The following SHISA9 variants were observed in gnomAD, a reference collection of about 807,000 sequenced individuals.
SHISA9 encodes shisa family member 9.
A neutral mutation model predicts 38.0 loss-of-function variants in SHISA9; 13 were observed. The observed-to-expected ratio is 0.34, with a 90% CI of 0.22 to 0.54. The LOEUF (loss-of-function observed/expected upper bound fraction) is 0.54. Among genes scored for constraint, SHISA9 ranks in the 20% least tolerant of loss-of-function variants. The pLI is 0.91. For missense variants in SHISA9, 538 were observed against 575.8 expected (o/e 0.93, Z 0.67); for synonymous variants, 275 against 242.0 (o/e 1.14, Z -1.27).
the SHISA9 span, among the ~76,000 whole-genome samples, chr16:13,292,822 C>A: frequency 6.6e-6 from 1 of 152,088 alleles, no homozygotes; most frequent in Non-Finnish European, 1.5e-5. Context: ...TGTCAAGGAC[C>A]AACAGTTCTA....
At chr16:13,035,713 T>C (rs1376237163) in intron 2 of SHISA9, among the ~76,000 whole-genome samples, 1 of 152,160 alleles carries the variant, frequency 6.6e-6, no homozygotes, top group East Asian at 1.9e-4. Flanking sequence ...ATATTTTTAG[T>C]AGAGATAGGG....
chr16:13,416,673 C>G, the SHISA9 span, among the ~76,000 whole-genome samples: 8 of 151,138 alleles, frequency 5.3e-5, no homozygotes, highest in South Asian at 1.7e-3. Flanking sequence ...GGTAACACCA[C>G]TGCACTCCAG....
the SHISA9 span, among the ~76,000 whole-genome samples, chr16:13,255,596 G>A: frequency 6.6e-6 from 1 of 152,196 alleles, no homozygotes; most frequent in African/African-American, 2.4e-5. Flanking sequence ...GTGATGTTAG[G>A]AGCTGCCTCA....
chr16:13,332,637 A>G, the SHISA9 span: 7 of 152,318 alleles, frequency 4.6e-5, no homozygotes, highest in African/African-American at 1.7e-4. Flanking sequence ...CACTGTTCAG[A>G]CAGGACCTCT....
At chr16:13,444,737 C>T in the SHISA9 span, among the ~76,000 whole-genome samples, 1 of 151,588 alleles carries the variant, frequency 6.6e-6, no homozygotes, top group Non-Finnish European at 1.5e-5. Flanking sequence ...CACCATGTCT[C>T]CTCCAGAAAG....
intron 2 of SHISA9, among the ~76,000 whole-genome samples, chr16:13,124,540 T>C (rs1247856589): frequency 6.6e-6 from 1 of 152,270 alleles, no homozygotes; most frequent in Admixed American, 6.5e-5. Context: ...GGACTCTGTG[T>C]GCCCCAGACA....
chr16:12,916,607 T>G, intron 1 of SHISA9, 81 bp from the exon 2 acceptor site: 1 of 1,458,820 alleles, frequency 6.9e-7, no homozygotes, highest in South Asian at 1.4e-5. Context: ...TGCCATTTGT[T>G]CGCGACTGCA....
At chr16:13,299,749 T>C in the SHISA9 span, among the ~76,000 whole-genome samples, 1 of 151,940 alleles carries the variant, frequency 6.6e-6, no homozygotes, top group Non-Finnish European at 1.5e-5. Flanking sequence ...CAATTGGCTT[T>C]AAAGTCCAAG....
At chr16:13,416,745 AG>A in the SHISA9 span, among the ~76,000 whole-genome samples, 23,335 of 90,744 alleles carry the variant, frequency 0.26, 2,686 homozygotes, top group South Asian at 0.44. Flanking sequence ...AAAGAAAGAA[AG>A]GAAGGAAGGA....
chr16:13,225,989 G>C (rs2051275468), intron 4 of SHISA9, among the ~76,000 whole-genome samples: 1 of 152,150 alleles, frequency 6.6e-6, no homozygotes, highest in African/African-American at 2.4e-5. Context: ...TCTGTTTCCT[G>C]GTCAGTTTGT....
intron 2 of SHISA9, among the ~76,000 whole-genome samples, chr16:12,991,112 G>T (rs1165764358): frequency 6.6e-6 from 1 of 152,048 alleles, no homozygotes; most frequent in Non-Finnish European, 1.5e-5. Context: ...TATTCTTTTT[G>T]ATTATTAAGG....
At chr16:13,421,542 T>G in the SHISA9 span, among the ~76,000 whole-genome samples, 1 of 151,990 alleles carries the variant, frequency 6.6e-6, no homozygotes, top group Non-Finnish European at 1.5e-5. Flanking sequence ...CACTGGATCC[T>G]TCCCACAACA....
At chr16:13,273,383 G>A in the SHISA9 span, among the ~76,000 whole-genome samples, 1 of 152,218 alleles carries the variant, frequency 6.6e-6, no homozygotes, top group East Asian at 1.9e-4. Flanking sequence ...CTGGTGGGAG[G>A]TAATTGAATC....
At chr16:13,353,980 G>GC in the SHISA9 span, among the ~76,000 whole-genome samples, 1 of 151,238 alleles carries the variant, frequency 6.6e-6, no homozygotes, top group Non-Finnish European at 1.5e-5. Flanking sequence ...GACTGCGGTG[G>GC]CCTTCTCACA....
At chr16:13,464,544 G>A in the SHISA9 span, among the ~76,000 whole-genome samples, 2 of 152,256 alleles carry the variant, frequency 1.3e-5, no homozygotes, top group South Asian at 4.1e-4. Flanking sequence ...TAAAGCTAAA[G>A]CCCCTTTCTT....
chr16:13,514,104 C>T, the SHISA9 span, among the ~76,000 whole-genome samples: 11 of 152,228 alleles, frequency 7.2e-5, no homozygotes, highest in Non-Finnish European at 1.5e-4. Flanking sequence ...AAGTGATTCT[C>T]CTGCCTCAGC....
intron 2 of SHISA9, among the ~76,000 whole-genome samples, chr16:13,104,477 CA>C (rs1183459391): frequency 1.3e-5 from 2 of 151,964 alleles, no homozygotes; most frequent in Non-Finnish European, 2.9e-5. Context: ...AATGGATAAA[CA>C]AAATGTGGTA....
the SHISA9 span, among the ~76,000 whole-genome samples, chr16:13,400,689 C>T: frequency 1.3e-5 from 2 of 152,234 alleles, no homozygotes; most frequent in African/African-American, 2.4e-5. Flanking sequence ...TTCCAATAAC[C>T]CTGACTCCAT....
chr16:13,530,255 C>T, the SHISA9 span, among the ~76,000 whole-genome samples: 234 of 152,238 alleles, frequency 1.5e-3, 1 homozygote, highest in African/African-American at 5.4e-3. Context: ...GAGCTGAGAT[C>T]GTGGCACTGC....
Sources: gnomAD v4.1 joint callset for allele counts (sites outside exome capture counted in the v4.1 genomes callset) on GRCh38, gnomAD v4.1.1 for gene constraint, MANE v1.5 for transcripts, NCBI Gene and HGNC (gene_info 2026-07-23, HGNC 2026-07-21) for gene names.